NEFH: variants seen among roughly 807,000 people sequenced by gnomAD.
NEFH encodes the protein neurofilament heavy polypeptide.
Under a neutral mutation model 56.6 loss-of-function variants are expected in NEFH, and 58 were observed. That is an observed-to-expected ratio of 1.03 (90% CI 0.83 to 1.28). The LOEUF is 1.28. Among genes scored for constraint, NEFH ranks in the 50% most tolerant of loss-of-function variants. The pLI, the probability that NEFH is intolerant of heterozygous loss-of-function variation, is 0.00. For synonymous variants in NEFH, 542 were observed against 545.8 expected (o/e 0.99, Z 0.10); for missense variants, 1,221 against 1,307.6 (o/e 0.93, Z 1.02).
In NEFH at chr22:29,489,820, A is replaced by G; in HGVS notation, c.2180A>G (p.Lys727Arg). The G allele has an allele frequency of 6.2e-7, 1 of 1,612,344 alleles. No individual in the cohort carries two copies. Among genetic ancestry groups the G allele is most frequent in the Non-Finnish European group, 8.5e-7 (1 of 1,179,514 alleles). Residue 727 changes from lysine (K) to arginine (R), a missense_variant, in exon 4 of 4, where the codon AAG becomes AGG. By Grantham distance (26) the Lys-to-Arg change is conservative (BLOSUM62 2). Transcript: ENST00000310624. Reference sequence around the variant, plus strand: ...CCTGAGAAGGCCAAGTCCCCAGTGAAGGAAGAAGCAAAGACCCCCGAGAAG... The same window carrying G: ...CCTGAGAAGGCCAAGTCCCCAGTGAGGGAAGAAGCAAAGACCCCCGAGAAG... Reference protein sequence around the residue: ...KSPEKAKSPVKEEAKTPEKAK... With the variant: ...KSPEKAKSPVREEAKTPEKAK...
intron 2 of NEFH, among the ~76,000 whole-genome samples, chr22:29,483,867 T>TTTATTTA (rs1376597540): frequency 1.8e-5 from 2 of 109,686 alleles, no homozygotes. Context: ...TTATTTATTT[T>TTTATTTA]GAGATGGAGT....
rs768679590 is a variant in NEFH at position 29,483,570 on chromosome 22, A to G, written c.1079A>G (p.Tyr360Cys). ...CGTCATCAGGCCGACATTGCCTCCT[A>G]CCAGGTGGGCAGGGGCAAGGCAGAC... The part of the protein sequence containing the change: ...EDRHQADIAS[Y>C]QEAIQQLDAE... The change falls in exon 2 of 4, where the codon TAC becomes TGC. Residue 360 changes from tyrosine (Y) to cysteine (C), a missense_variant. Physicochemically the swap from Tyr to Cys is radical, Grantham distance 194 (BLOSUM62 -2). Transcript: ENST00000310624. 7.2e-5 allele frequency: 116 copies of G among 1,613,628 alleles called. 1 individual carries two copies. Among genetic ancestry groups the G allele is most frequent in the Admixed American group, 3.8e-4 (23 of 60,022 alleles).
Position 29,490,067 on chromosome 22 carries a change from C to T in NEFH, c.2427C>T (p.Ala809=). 1 of 1,613,472 alleles carries T rather than the reference C, an allele frequency of 6.2e-7. No homozygotes were observed. The highest frequency in any genetic ancestry group is 1.1e-5 in the South Asian group (1 of 91,048). ...CTCCCCTGAAGGAGGATGCCAAGGC[C>T]CCTGAGAAGGAGATCCCAAAAAAGG... ...AKSPLKEDAK[A]PEKEIPKKEE... The change falls in exon 4 of 4, where the codon GCC becomes GCT. Residue 809 remains alanine, a synonymous_variant. Coordinates refer to ENST00000310624, the MANE Select transcript of NEFH (RefSeq NM_021076.4).
Position 29,490,642 on chromosome 22 carries a change from A to G in NEFH, c.3002A>G (p.Asp1001Gly). The G allele has an allele frequency of 6.2e-7, 1 of 1,614,134 alleles. No individual in the cohort carries two copies. The highest frequency in any genetic ancestry group is 8.5e-7 in the Non-Finnish European group (1 of 1,180,034). ...AAGGCTGAAAAATCCTCCAGCACAG[A>G]CCAAAAAGACAGCAAGCCTCCAGAG... ...AEKAEKSSST[D>G]QKDSKPPEKA... Residue 1001 changes from aspartate to glycine, a missense_variant, in exon 4 of 4, where the codon GAC becomes GGC. By Grantham distance (94) the Asp-to-Gly change is moderately conservative. Coordinates refer to ENST00000310624, the MANE Select transcript of NEFH (RefSeq NM_021076.4).
At position 29,480,487 on chromosome 22, in the gene NEFH, C is replaced by T. The variant is rs537853742; in HGVS notation, c.225C>T (p.Asp75=). The T allele has an allele frequency of 1.3e-6, 2 of 1,533,790 alleles. No individual in the cohort carries two copies. Among genetic ancestry groups the T allele is most frequent in the African/African-American group, 1.4e-5 (1 of 73,092 alleles). Residue 75 remains aspartate (D), a synonymous_variant, in exon 1 of 4, where the codon GAC becomes GAT. Coordinates refer to ENST00000310624, the MANE Select transcript of NEFH (RefSeq NM_021076.4). ...FRGAGAASST[D]SLDTLSNGPE... ...GCGCAGGCGCCGCCTCAAGCACCGACTCGCTGGACACGCTGAGCAACGGGC... is the reference window on the plus strand; with the variant it reads ...GCGCAGGCGCCGCCTCAAGCACCGATTCGCTGGACACGCTGAGCAACGGGC...
chr22:29,482,016 A>C (rs1239457976), intron 1 of NEFH, among the ~76,000 whole-genome samples: 1 of 152,170 alleles, frequency 6.6e-6, no homozygotes, highest in Non-Finnish European at 1.5e-5. Flanking sequence ...ACTGTCTGTA[A>C]AACTTTGCGT....
chr22:29,483,297 A>T, intron 1 of NEFH, 78 bp from the exon 2 acceptor site: 16 of 1,344,536 alleles, frequency 1.2e-5, no homozygotes, highest in Non-Finnish European at 1.7e-5. Flanking sequence ...AAAAAGAAAA[A>T]GAACAAAGAA....
chr22:29,488,963 A>C lies in NEFH; in HGVS notation c.1323A>C (p.Glu441Asp). 6.2e-7 allele frequency: 1 copy of C among 1,614,228 alleles called. No homozygotes were observed. Among genetic ancestry groups the C allele is most frequent in the Non-Finnish European group, 8.5e-7 (1 of 1,180,032 alleles). ...SVSTHIKVKS[E>D]EKIKVVEKSE... Reference sequence around the variant, plus strand: ...CCACTCACATAAAGGTGAAAAGCGAAGAGAAGATCAAAGTGGTGGAGAAGT... The same window carrying C: ...CCACTCACATAAAGGTGAAAAGCGACGAGAAGATCAAAGTGGTGGAGAAGT... The change falls in exon 4 of 4, where the codon GAA becomes GAC. Residue 441 changes from glutamate (E) to aspartate (D), a missense_variant. Glu to Asp is a conservative substitution (Grantham distance 45). Transcript: ENST00000310624.
In NEFH at chr22:29,489,414, G is replaced by A. The variant is rs768529407; in HGVS notation, c.1774G>A (p.Ala592Thr). 10 of 1,612,984 alleles carry A rather than the reference G, an allele frequency of 6.2e-6. No individual in the cohort carries two copies. Among genetic ancestry groups the A allele is most frequent in the Non-Finnish European group, 8.5e-6 (10 of 1,179,500 alleles). ...EKAKSPAKEE[A>T]KSPAEAKSPE... ...GGCCAAGTCCCCAGCAAAGGAAGAG[G>A]CAAAGTCACCGGCTGAGGCCAAGTC... The change falls in exon 4 of 4, where the codon GCA becomes ACA. Residue 592 changes from alanine (A) to threonine (T), a missense_variant. Around this residue, in one of 4 missense-constraint regions of NEFH, gnomAD observed 243 missense variants for 299.1 expected, o/e 0.81. Transcript: ENST00000310624.
At position 29,483,378 on chromosome 22, in the gene NEFH, G is replaced by T; in HGVS notation, c.887G>T (p.Arg296Met). ...GCCCTGCTACCTTCTCCCCCAGTGA[G>T]GCTGGACCGACTGTCGGAGGCAGCC... ...TLQSEEWFRV[R>M]LDRLSEAAKV... is the part of the protein sequence containing the mutation. The change falls in exon 2 of 4, where the codon AGG becomes ATG. Residue 296 changes from arginine (R) to methionine (M), a missense_variant. Physicochemically the swap from Arg to Met is moderately conservative, Grantham distance 91 (BLOSUM62 -1). This residue lies in a region of NEFH where 640 missense variants were observed against 555.5 expected (regional missense o/e 1.15). Transcript: ENST00000310624. The T allele has an allele frequency of 6.2e-7, 1 of 1,613,826 alleles. No individual in the cohort carries two copies. Among genetic ancestry groups the T allele is most frequent in the South Asian group, 1.1e-5 (1 of 91,086 alleles).
At chr22:29,486,567 G>A (rs963017814) in intron 3 of NEFH, among the ~76,000 whole-genome samples, 11 of 142,920 alleles carry the variant, frequency 7.7e-5, no homozygotes, top group Admixed American at 6.7e-4. Flanking sequence ...CTGTTGCCCA[G>A]GCTGGAGTGC....
chr22:29,484,716 C>T (rs760470586), intron 2 of NEFH, among the ~76,000 whole-genome samples: 1 of 152,124 alleles, frequency 6.6e-6, no homozygotes, highest in Non-Finnish European at 1.5e-5. Flanking sequence ...ACAGTCCTAG[C>T]TACTCAGAAG....
chr22:29,485,500 T>C (rs2063039091), intron 2 of NEFH, among the ~76,000 whole-genome samples: 1 of 152,238 alleles, frequency 6.6e-6, no homozygotes, highest in African/African-American at 2.4e-5. Flanking sequence ...ATGAATTTCA[T>C]TTCAGACCTT....
Position 29,483,393 on chromosome 22 carries a change from C to T in NEFH, c.902C>T (p.Ser301Leu), listed in dbSNP as rs770564187. 3.3e-5 allele frequency: 53 copies of T among 1,613,644 alleles called. No individual in the cohort carries two copies. Among genetic ancestry groups the T allele is most frequent in the Middle Eastern group, 1.6e-4 (1 of 6,084 alleles). ...EWFRVRLDRL[S>L]EAAKVNTDAM... Reference sequence around the variant, plus strand: ...CCCCCAGTGAGGCTGGACCGACTGTCGGAGGCAGCCAAGGTGAACACAGAC... The same window carrying T: ...CCCCCAGTGAGGCTGGACCGACTGTTGGAGGCAGCCAAGGTGAACACAGAC... Residue 301 changes from serine to leucine, a missense_variant, in exon 2 of 4, where the codon TCG becomes TTG. Transcript: ENST00000310624.
At chr22:29,483,872 T>C (rs1444170673) in intron 2 of NEFH, among the ~76,000 whole-genome samples, 2 of 146,552 alleles carry the variant, frequency 1.4e-5, no homozygotes, top group Non-Finnish European at 3.0e-5. Flanking sequence ...TATTTTGAGA[T>C]GGAGTCTCAC....
intron 1 of NEFH, 76 bp downstream of exon 1, chr22:29,481,221 G>C: frequency 7.0e-7 from 1 of 1,432,070 alleles, no homozygotes; most frequent in Non-Finnish European, 9.5e-7. Flanking sequence ...GTGACCCAAG[G>C]GGGCGCTGCC....
intron 1 of NEFH, 106 bp downstream of exon 1, chr22:29,481,251 G>A: frequency 1.7e-6 from 2 of 1,154,642 alleles, no homozygotes; most frequent in Non-Finnish European, 2.5e-6. Context: ...GTGGAGTGGC[G>A]CGCTGCTCAC....
At chr22:29,484,533 T>C (rs2063032884) in intron 2 of NEFH, among the ~76,000 whole-genome samples, 1 of 152,052 alleles carries the variant, frequency 6.6e-6, no homozygotes, top group Non-Finnish European at 1.5e-5. Context: ...TCCCAGCTAC[T>C]TGGGAGGCTG....
At chr22:29,481,174 G>GCGCCC in intron 1 of NEFH, 29 bp downstream of exon 1, 31 of 1,055,416 alleles carry the variant, frequency 2.9e-5, no homozygotes, top group Non-Finnish European at 3.7e-5. Flanking sequence ...GGGGGGAGGG[G>GCGCCC]CGCCCCTGCT....
Sources: gnomAD v4.1 joint callset for allele counts (sites outside exome capture counted in the v4.1 genomes callset) on GRCh38, gnomAD v4.1.1 for gene constraint, gnomAD v4.1.1 regional missense constraint, MANE v1.5 for transcripts, NCBI Gene and HGNC (gene_info 2026-07-23, HGNC 2026-07-21) for gene names.